The following VANGL1 variants were observed in gnomAD, a reference collection of about 807,000 sequenced individuals.
The protein encoded by VANGL1 is vang-like protein 1.
VANGL1 carries 18 observed loss-of-function variants against 48.4 expected under a neutral mutation model. The ratio of observed to expected loss-of-function variants is 0.37; its 90% CI spans 0.26 to 0.55. The LOEUF (loss-of-function observed/expected upper bound fraction) is 0.55, where lower values mean the gene tolerates loss of function less well. Among genes scored for constraint, VANGL1 ranks in the 20% least tolerant of loss-of-function variants. VANGL1 has a pLI of 0.81. For synonymous variants in VANGL1, 257 were observed against 261.8 expected (o/e 0.98, Z 0.18); for missense variants, 667 against 675.8 (o/e 0.99, Z 0.14).
In VANGL1 at chr1:115,671,552, A is replaced by G. The variant is rs74423779; in HGVS notation, c.812+7284A>G. Among the ~76,000 whole-genome samples, 47 of 152,192 alleles carry G rather than the reference A, an allele frequency of 3.1e-4. No individual in the cohort carries two copies. The East Asian group carries it at 8.5e-3, about 28-fold the overall frequency. ...GGAGGTGTTTCGAGTCCATATCTAA[A>G]TCTTTTTCTTAGAGCACCCTAAGCA... On this transcript the variant is annotated intron_variant, in intron 4 of 7. Coordinates refer to ENST00000355485, the MANE Select transcript of VANGL1 (RefSeq NM_138959.3).
chr1:115,663,853 T>C lies in VANGL1; in HGVS notation c.397T>C (p.Leu133=), dbSNP rs141482063. 58 of 1,614,234 alleles carry C rather than the reference T, an allele frequency of 3.6e-5. No individual in the cohort carries two copies. The highest frequency in any genetic ancestry group is 3.3e-4 in the Middle Eastern group (2 of 6,062). The part of the protein sequence containing the change: ...VFLTPIAFIL[L]PPILWRDELE... ...CCTCACCCCTATTGCCTTCATCCTT[T>C]TACCTCCGATCCTGTGGAGGGATGA... The change falls in exon 4 of 8, where the codon TTA becomes CTA. Residue 133 remains leucine, a synonymous_variant. Coordinates refer to ENST00000355485, the MANE Select transcript of VANGL1 (RefSeq NM_138959.3).
chr1:115,683,915 A>ACTGTC (rs1268331256), intron 5 of VANGL1, 29 bp from the exon 6 acceptor site: 1 of 1,611,364 alleles, frequency 6.2e-7, no homozygotes, highest in African/African-American at 1.3e-5. Context: ...TGGTATTAAC[A>ACTGTC]CTATTCTTTC....
chr1:115,687,205 G>C (rs1653665742), intron 7 of VANGL1, among the ~76,000 whole-genome samples: 1 of 138,846 alleles, frequency 7.2e-6, no homozygotes, highest in South Asian at 2.4e-4. Context: ...CACAAAGGTG[G>C]TGTTTTGCAA....
chr1:115,678,536 C>T (rs1285677981), intron 4 of VANGL1, among the ~76,000 whole-genome samples: 1 of 152,226 alleles, frequency 6.6e-6, no homozygotes, highest in Non-Finnish European at 1.5e-5. Flanking sequence ...GCCTCCACCT[C>T]CTGATGGAAC....
chr1:115,645,246 G>A (rs1651871968), intron 1 of VANGL1, among the ~76,000 whole-genome samples: 1 of 152,178 alleles, frequency 6.6e-6, no homozygotes, highest in Non-Finnish European at 1.5e-5. Flanking sequence ...ATAGCTAATA[G>A]TAGCAGTTAA....
chr1:115,672,156 C>T lies in VANGL1; in HGVS notation c.812+7888C>T, dbSNP rs75803681. 2.6e-5 allele frequency among the ~76,000 whole-genome samples: 4 copies of T among 152,294 alleles called. No individual in the cohort carries two copies. The East Asian group carries it at 5.8e-4, about 22-fold the overall frequency. On this transcript the variant is annotated intron_variant, in intron 4 of 7. Coordinates refer to ENST00000355485, the MANE Select transcript of VANGL1 (RefSeq NM_138959.3). Reference sequence around the variant, plus strand: ...ATTATTAGGGACTCATGGAGAAGTGCTCTGGGTGTCCTGCACACTGCACTT... The same window carrying T: ...ATTATTAGGGACTCATGGAGAAGTGTTCTGGGTGTCCTGCACACTGCACTT...
At chr1:115,687,938 GTAGA>G (rs71096827) in intron 7 of VANGL1, among the ~76,000 whole-genome samples, 19,081 of 112,482 alleles carry the variant, frequency 0.17, 3,596 homozygotes, top group East Asian at 0.24. Flanking sequence ...CATTCATTAG[GTAGA>G]TAGATAGATA....
chr1:115,685,810 A>C (rs950455867), intron 7 of VANGL1, among the ~76,000 whole-genome samples: 4 of 152,118 alleles, frequency 2.6e-5, no homozygotes, highest in African/African-American at 9.7e-5. Flanking sequence ...TTAGGGGTGC[A>C]TTGTGGACTC....
intron 2 of VANGL1, among the ~76,000 whole-genome samples, chr1:115,651,849 T>G (rs1048123990): frequency 6.2e-4 from 94 of 152,122 alleles, no homozygotes; most frequent in South Asian, 1.2e-3. Context: ...CTCCGCCTTG[T>G]GGGTTCACGC....
intron 4 of VANGL1, among the ~76,000 whole-genome samples, chr1:115,675,529 G>A (rs920462077): frequency 6.6e-6 from 1 of 152,158 alleles, no homozygotes; most frequent in Admixed American, 6.5e-5. Context: ...GCCAGGTTTG[G>A]TGACTCACAC....
At chr1:115,668,319 A>G (rs1366297372) in intron 4 of VANGL1, among the ~76,000 whole-genome samples, 2 of 152,188 alleles carry the variant, frequency 1.3e-5, no homozygotes, top group Non-Finnish European at 2.9e-5. Context: ...TTTTGTATAC[A>G]TTATCCTGTT....
At chr1:115,656,516 G>C (rs1271820536) in intron 2 of VANGL1, among the ~76,000 whole-genome samples, 1 of 152,214 alleles carries the variant, frequency 6.6e-6, no homozygotes, top group African/African-American at 2.4e-5. Context: ...CCATACCTAG[G>C]ATAGTTTTTC....
At position 115,691,179 on chromosome 1, in the gene VANGL1, C is replaced by G; in HGVS notation, c.1375C>G (p.Leu459Val). The change falls in exon 8 of 8, where the codon CTC (leucine) becomes GTC (valine). Residue 459 changes from leucine (L) to valine (V), a missense_variant. Transcript: ENST00000355485. Reference sequence around the variant, plus strand: ...CCTGCAATATGACAAGGACCGCTGGCTCTCTACACAGTGGAGGCTTGTCAG... The same window carrying G: ...CCTGCAATATGACAAGGACCGCTGGGTCTCTACACAGTGGAGGCTTGTCAG... ...PTLQYDKDRW[L>V]STQWRLVSDE... is the part of the protein sequence containing the mutation. 2.5e-6 allele frequency: 4 copies of G among 1,613,964 alleles called. No homozygotes were observed. Among genetic ancestry groups the G allele is most frequent in the Non-Finnish European group, 3.4e-6 (4 of 1,179,980 alleles).
intron 1 of VANGL1, among the ~76,000 whole-genome samples, chr1:115,645,995 C>A (rs962355465): frequency 6.6e-6 from 1 of 151,396 alleles, no homozygotes; most frequent in Non-Finnish European, 1.5e-5. Context: ...TTCCTTTTTG[C>A]GAAGGTTAGC....
At chr1:115,650,965 A>T (rs1652119711) in intron 1 of VANGL1, among the ~76,000 whole-genome samples, 1 of 151,844 alleles carries the variant, frequency 6.6e-6, no homozygotes, top group Non-Finnish European at 1.5e-5. Flanking sequence ...AGGGTCGCAG[A>T]TGTGGAAAGC....
Position 115,683,950 on chromosome 1 carries a change from G to A in VANGL1, c.953G>A (p.Ser318Asn), listed in dbSNP as rs1653490355. The change falls in exon 6 of 8, where the codon AGT becomes AAT. Residue 318 changes from serine to asparagine, a missense_variant. Physicochemically the swap from Ser to Asn is conservative, Grantham distance 46. Coordinates refer to ENST00000355485, the MANE Select transcript of VANGL1 (RefSeq NM_138959.3). ...GLKVYNVDGP[S>N]NNATGQSRAM... The stretch of plus-strand genomic sequence containing the variant: ...CACTGTCCTTTCCCCAAAGGCCCCA[G>A]TAACAATGCCACTGGCCAGTCCCGG... The A allele has an allele frequency of 1.2e-6, 2 of 1,613,458 alleles. No individual in the cohort carries two copies. Among genetic ancestry groups the A allele is most frequent in the Non-Finnish European group, 1.7e-6 (2 of 1,179,656 alleles).
intron 2 of VANGL1, among the ~76,000 whole-genome samples, chr1:115,652,897 T>C (rs967554227): frequency 6.6e-6 from 1 of 152,224 alleles, no homozygotes; most frequent in Non-Finnish European, 1.5e-5. Flanking sequence ...CATTTATCTT[T>C]TTGTACTTGT....
chr1:115,660,475 C>T (rs6659208), intron 3 of VANGL1, among the ~76,000 whole-genome samples: 80,337 of 152,102 alleles, frequency 0.53, 23,864 homozygotes, highest in African/African-American at 0.81. Context: ...CCTAACTTTA[C>T]AGTATTTTTG....
chr1:115,677,334 T>C (rs973695378), intron 4 of VANGL1, among the ~76,000 whole-genome samples: 16 of 152,234 alleles, frequency 1.1e-4, no homozygotes, highest in Non-Finnish European at 1.9e-4. Context: ...GCTTTCGTGG[T>C]TGATTAGACA....
Sources: allele counts gnomAD v4.1 joint callset (sites outside exome capture counted in the v4.1 genomes callset), GRCh38; gene constraint gnomAD v4.1.1; transcripts MANE v1.5; gene names NCBI Gene and HGNC (gene_info 2026-07-23, HGNC 2026-07-21).